Variants in MRPS18A observed in about 807,000 individuals in gnomAD.
The protein encoded by MRPS18A is large ribosomal subunit protein mL66.
Under a neutral mutation model 22.7 loss-of-function variants are expected in MRPS18A, and 20 were observed. That is an observed-to-expected ratio of 0.88 (90% CI 0.62 to 1.28). MRPS18A has a LOEUF of 1.28. MRPS18A is among the 50% of genes most tolerant of loss of function. The pLI, the probability that MRPS18A is intolerant of heterozygous loss-of-function variation, is 0.00. For missense variants in MRPS18A, 294 were observed against 262.6 expected (o/e 1.12, Z -0.83); for synonymous variants, 106 against 99.1 (o/e 1.07, Z -0.41).
intron 1 of MRPS18A, 97 bp from the exon 2 acceptor site, chr6:43,681,217 G>GC (rs1774392392): frequency 3.9e-6 from 5 of 1,277,058 alleles, no homozygotes; most frequent in Non-Finnish European, 4.5e-6. Context: ...GAAAAAAGCA[G>GC]CCTTCCATCT....
chr6:43,673,919 C>A lies in MRPS18A; in HGVS notation c.446+1283G>T, dbSNP rs1773902783. ...ATGTATGGGAGGGCGCCTGGCCTAG[C>A]TTCAAAGGCCTGAGGCAGGATGGAT... On this transcript the variant is annotated intron_variant, in intron 5 of 5. Coordinates refer to ENST00000372133, the MANE Select transcript of MRPS18A (RefSeq NM_018135.4). The surrounding 1 kb of genome is among the most constrained non-coding windows in gnomAD (Gnocchi z 4.2). Among the ~76,000 whole-genome samples the A allele has an allele frequency of 6.6e-6, 1 of 152,200 alleles. No individual in the cohort carries two copies. The highest frequency in any genetic ancestry group is 2.4e-5 in the African/African-American group (1 of 41,450).
intron 2 of MRPS18A, 140 bp downstream of exon 2, chr6:43,680,949 T>A (rs547438284): frequency 6.1e-4 from 443 of 721,612 alleles, no homozygotes; most frequent in Non-Finnish European, 9.5e-4. Flanking sequence ...TGAAAAATAG[T>A]AGGCTGTGGG....
At chr6:43,674,263 G>A (rs932535692) in intron 5 of MRPS18A, among the ~76,000 whole-genome samples, 2 of 152,150 alleles carry the variant, frequency 1.3e-5, no homozygotes, top group African/African-American at 4.8e-5. Flanking sequence ...GTGGGGATCA[G>A]CCTAGGAGGT....
At chr6:43,680,600 T>C (rs1427444369) in intron 2 of MRPS18A, among the ~76,000 whole-genome samples, 1 of 152,202 alleles carries the variant, frequency 6.6e-6, no homozygotes, top group Non-Finnish European at 1.5e-5. Flanking sequence ...GTTCCAACTT[T>C]CTTACCAACA....
At chr6:43,674,912 G>A (rs1482646880) in intron 5 of MRPS18A, among the ~76,000 whole-genome samples, 1 of 152,182 alleles carries the variant, frequency 6.6e-6, no homozygotes, top group East Asian at 1.9e-4. Flanking sequence ...AAAATTTGTA[G>A]TACTGACATC....
Position 43,678,637 on chromosome 6 carries a change from A to G in MRPS18A, c.145-12T>C, listed in dbSNP as rs750296996. ...ATACGGCCTTCAATCTAGGAGACAG[A>G]GAAAGTGAGCCAGTGTGAGAGACAG... is the stretch of plus-strand genomic sequence containing the variant. On this transcript the variant is annotated splice_polypyrimidine_tract_variant and intron_variant, in intron 2 of 5. Coordinates refer to ENST00000372133, the MANE Select transcript of MRPS18A (RefSeq NM_018135.4). The G allele has an allele frequency of 3.1e-6, 5 of 1,594,962 alleles. No individual in the cohort carries two copies. The South Asian group carries it at 5.5e-5, about 18-fold the overall frequency.
intron 5 of MRPS18A, among the ~76,000 whole-genome samples, chr6:43,674,092 G>C (rs1364573616): frequency 6.6e-6 from 1 of 152,218 alleles, no homozygotes; most frequent in African/African-American, 2.4e-5. Flanking sequence ...AGCTAGCAAT[G>C]TGGGGGGCAC....
chr6:43,674,113 G>T (rs920593650), intron 5 of MRPS18A, among the ~76,000 whole-genome samples: 1 of 152,186 alleles, frequency 6.6e-6, no homozygotes, highest in Non-Finnish European at 1.5e-5. Context: ...AGGTAGAGAT[G>T]GGCACACAGC....
chr6:43,674,810 C>T (rs1773960486), intron 5 of MRPS18A, among the ~76,000 whole-genome samples: 1 of 152,186 alleles, frequency 6.6e-6, no homozygotes, highest in African/African-American at 2.4e-5. Flanking sequence ...ACCTGCACAG[C>T]TGTATTCAGT....
Position 43,681,115 on chromosome 6 carries a change from C to T in MRPS18A, c.118G>A (p.Glu40Lys), listed in dbSNP as rs2127950373. The T allele has an allele frequency of 1.2e-6, 2 of 1,613,448 alleles. No homozygotes were observed. Among genetic ancestry groups the T allele is most frequent in the Middle Eastern group, 1.7e-4 (1 of 6,058 alleles). ...ATAGTTGTCTTCCCTTCTTGGGTCT[C>T]CACCACTACGGAGATAAAGGGGGAA... ...LPARGFREVV[E>K]TQEGKTTIIE... The change falls in exon 2 of 6, where the codon GAG becomes AAG. Residue 40 changes from glutamate to lysine, a missense_variant. Coordinates refer to ENST00000372133, the MANE Select transcript of MRPS18A (RefSeq NM_018135.4).
chr6:43,687,661 G>A lies in MRPS18A; in HGVS notation c.112+7C>T. The A allele has an allele frequency of 1.9e-6, 2 of 1,072,842 alleles. No individual in the cohort carries two copies. The highest frequency in any genetic ancestry group is 2.7e-6 in the Non-Finnish European group (2 of 746,636). 66.5% of individuals were successfully genotyped at this position (1,072,842 alleles called of 1,614,324 possible). A position where few individuals can be genotyped will look rare whatever the true frequency, so the allele number is the denominator to read the frequency against. ...ATTTCAGGAGGTTGCTGGGACGCATGACTCACCTTCCCTGAACCCGCGAGC... is the reference window on the plus strand; with the variant it reads ...ATTTCAGGAGGTTGCTGGGACGCATAACTCACCTTCCCTGAACCCGCGAGC... On this transcript the variant is annotated splice_region_variant and intron_variant, in intron 1 of 5. Coordinates refer to ENST00000372133, the MANE Select transcript of MRPS18A (RefSeq NM_018135.4).
At chr6:43,686,360 T>A (rs564054980) in intron 1 of MRPS18A, among the ~76,000 whole-genome samples, 1 of 152,256 alleles carries the variant, frequency 6.6e-6, no homozygotes. Flanking sequence ...CTCTATCATC[T>A]GCATGATTTC....
At chr6:43,671,934 G>C in intron 5 of MRPS18A, 28 bp from the exon 6 acceptor site, 2 of 1,563,356 alleles carry the variant, frequency 1.3e-6, no homozygotes, top group Non-Finnish European at 1.7e-6. Flanking sequence ...AGAGGTGCCT[G>C]TGAGGGCTGG....
Position 43,673,374 on chromosome 6 carries a change from AG to A in MRPS18A, c.447-1469del, listed in dbSNP as rs1293732666. The stretch of plus-strand genomic sequence containing the variant: ...TTTGCTGGCCTCTCCCAGGCTTCAG[AG>A]GGGTACATGAAGAGATGGGGTATGG... On this transcript the variant is annotated intron_variant, in intron 5 of 5. Coordinates refer to ENST00000372133, the MANE Select transcript of MRPS18A (RefSeq NM_018135.4). The surrounding 1 kb of genome is among the most constrained non-coding windows in gnomAD (Gnocchi z 4.2). Among the ~76,000 whole-genome samples the A allele has an allele frequency of 6.6e-6, 1 of 152,114 alleles. No individual in the cohort carries two copies. Among genetic ancestry groups the A allele is most frequent in the Non-Finnish European group, 1.5e-5 (1 of 68,012 alleles).
intron 1 of MRPS18A, 58 bp downstream of exon 1, chr6:43,687,610 G>A (rs1414967683): frequency 3.6e-6 from 5 of 1,404,760 alleles, no homozygotes; most frequent in Non-Finnish European, 3.9e-6. Flanking sequence ...CGGGGCTGGC[G>A]GAAGCAGTCT....
chr6:43,687,715 G>A lies in MRPS18A; in HGVS notation c.65C>T (p.Pro22Leu). 1.3e-6 allele frequency: 2 copies of A among 1,587,002 alleles called. No homozygotes were observed. Among genetic ancestry groups the A allele is most frequent in the East Asian group, 2.3e-5 (1 of 43,952 alleles). Residue 22 changes from proline to leucine, a missense_variant, in exon 1 of 6, where the codon CCG becomes CTG. Physicochemically the swap from Pro to Leu is moderately conservative, Grantham distance 98. Coordinates refer to ENST00000372133, the MANE Select transcript of MRPS18A (RefSeq NM_018135.4). ...GRLLRGLLAG[P>L]AATSWSRLPA... ...AAGCCGAGACCAGCTGGTCGCTGCC[G>A]GGCCCGCTAGTAGCCCACGGAGAAG... is the stretch of plus-strand genomic sequence containing the variant.
At position 43,678,616 on chromosome 6, in the gene MRPS18A, G is replaced by A. The variant is rs912383868; in HGVS notation, c.154C>T (p.Arg52Cys). 9.3e-6 allele frequency: 15 copies of A among 1,612,556 alleles called. No individual in the cohort carries two copies. The African/African-American group carries it at 1.1e-4, about 11-fold the overall frequency. ...CTCTCCTTGGGAGTCGCTGTGATAC[G>A]GCCTTCAATCTAGGAGACAGAGAAA... is the stretch of plus-strand genomic sequence containing the variant. ...QEGKTTIIEGRITATPKESPN... is the reference protein window; with the variant it reads ...QEGKTTIIEGCITATPKESPN... The change falls in exon 3 of 6, where the codon CGT (arginine) becomes TGT (cysteine). Residue 52 changes from arginine (R) to cysteine (C), a missense_variant. Coordinates refer to ENST00000372133, the MANE Select transcript of MRPS18A (RefSeq NM_018135.4).
chr6:43,684,066 G>A (rs570900771), intron 1 of MRPS18A, among the ~76,000 whole-genome samples: 1 of 152,132 alleles, frequency 6.6e-6, no homozygotes, highest in East Asian at 1.9e-4. Flanking sequence ...CTGAGCTAAG[G>A]AGTTAGAGGC....
intron 5 of MRPS18A, among the ~76,000 whole-genome samples, chr6:43,674,879 C>A (rs557108396): frequency 6.6e-6 from 1 of 152,158 alleles, no homozygotes; most frequent in East Asian, 1.9e-4. Flanking sequence ...ATAACCCCAG[C>A]GCTGGAGAGA....
Sources: gnomAD v4.1 joint callset for allele counts (sites outside exome capture counted in the v4.1 genomes callset) on GRCh38, gnomAD v4.1.1 for gene constraint, Gnocchi (gnomAD v3.1) non-coding constraint, MANE v1.5 for transcripts, NCBI Gene and HGNC (gene_info 2026-07-23, HGNC 2026-07-21) for gene names.